LLGL2: variants seen among roughly 807,000 people sequenced by gnomAD.
LLGL2 encodes LLGL2, scribble cell polarity complex component.
LLGL2 carries 81 observed loss-of-function variants against 123.2 expected under a neutral mutation model. The observed-to-expected ratio is 0.66, with a 90% CI of 0.55 to 0.79. LLGL2 has a LOEUF of 0.79. LLGL2 is among the 30% of genes least tolerant of loss of function. LLGL2 has a pLI of 0.00. For missense variants in LLGL2, 1,273 were observed against 1,414.6 expected (o/e 0.90, Z 1.61); for synonymous variants, 577 against 594.1 (o/e 0.97, Z 0.42).
Position 75,575,120 on chromosome 17 carries a change from A to T in LLGL2, c.*242A>T. On this transcript the variant is annotated 3_prime_UTR_variant, in exon 26 of 26. Coordinates refer to ENST00000392550, the MANE Select transcript of LLGL2 (RefSeq NM_001031803.2). ...ATGTTGCACAGTTTTTATTGCTCCC[A>T]TCCCTTTTTGTAGTGGGCTGGGTTT... 1.7e-6 allele frequency: 1 copy of T among 597,084 alleles called. No individual in the cohort carries two copies. The highest frequency in any genetic ancestry group is 2.8e-5 in the East Asian group (1 of 36,070). The allele number at this position is 597,084 out of a possible 1,614,324, so 37.0% of individuals were successfully genotyped here.
Position 75,559,203 on chromosome 17 carries a change from C to A in LLGL2, c.372-49C>A. 1 of 1,523,902 alleles carries A rather than the reference C, an allele frequency of 6.6e-7. No homozygotes were observed. The highest frequency in any genetic ancestry group is 8.8e-7 in the Non-Finnish European group (1 of 1,137,244). 94.4% of individuals were successfully genotyped at this position (1,523,902 alleles called of 1,614,324 possible). A position where few individuals can be genotyped will look rare whatever the true frequency, so the allele number is the denominator to read the frequency against. On this transcript the variant is annotated intron_variant, in intron 5 of 25. Coordinates refer to ENST00000392550, the MANE Select transcript of LLGL2 (RefSeq NM_001031803.2). This position sits in a 1 kb window ranked among gnomAD's most constrained non-coding sequence, Gnocchi z 4.6. ...AGTCAGGGGACCCCGTCCATGGCATCTCCCCTGCTGGGCAGTGGTCGGCTC... is the reference window on the plus strand; with the variant it reads ...AGTCAGGGGACCCCGTCCATGGCATATCCCCTGCTGGGCAGTGGTCGGCTC...
chr17:75,554,915 G>T (rs1319010257), intron 2 of LLGL2, among the ~76,000 whole-genome samples: 5 of 148,618 alleles, frequency 3.4e-5, no homozygotes, highest in Non-Finnish European at 3.0e-5. Flanking sequence ...TTTTGGCTGG[G>T]TGCGGGTGGC....
chr17:75,547,314 A>C (rs2054474883), intron 2 of LLGL2, among the ~76,000 whole-genome samples: 1 of 152,248 alleles, frequency 6.6e-6, no homozygotes, highest in Non-Finnish European at 1.5e-5. Flanking sequence ...TGTGCCAGGC[A>C]TCAGAGGGGC....
At chr17:75,548,474 C>T (rs1299493764) in intron 2 of LLGL2, among the ~76,000 whole-genome samples, 1 of 152,016 alleles carries the variant, frequency 6.6e-6, no homozygotes, top group Non-Finnish European at 1.5e-5. Flanking sequence ...ACTCCCATGT[C>T]TGCACTTTCT....
At chr17:75,560,950 G>C (rs546067648) in intron 6 of LLGL2, among the ~76,000 whole-genome samples, 1 of 152,038 alleles carries the variant, frequency 6.6e-6, no homozygotes, top group South Asian at 2.1e-4. Flanking sequence ...TCCTGCCTCA[G>C]CCTTCCGAGT....
chr17:75,528,915 T>G (rs563907128), intron 1 of LLGL2, among the ~76,000 whole-genome samples: 11 of 152,094 alleles, frequency 7.2e-5, no homozygotes, highest in African/African-American at 2.4e-4. Flanking sequence ...TCCCAACACT[T>G]TGGGAGGCGG....
rs899272310 is a variant in LLGL2, at chr17:75,573,648, G to A, written c.2876+17G>A. ...CCGAGCCAGGTGAGTGAAAGGGCCA[G>A]AGGCCTCTCCCGCCCCTCCCGCCCC... On this transcript the variant is annotated intron_variant, in intron 21 of 25. Transcript: ENST00000392550. 8.2e-6 allele frequency: 13 copies of A among 1,586,130 alleles called. No individual in the cohort carries two copies. The highest frequency in any genetic ancestry group is 1.0e-5 in the Non-Finnish European group (12 of 1,163,504).
chr17:75,571,619 C>T (rs141595457), intron 17 of LLGL2, 48 bp from the exon 18 acceptor site: 2 of 1,439,084 alleles, frequency 1.4e-6, no homozygotes, highest in South Asian at 2.3e-5. Context: ...CCAGCTCCAC[C>T]CGACTCCCAC....
intron 21 of LLGL2, 92 bp from the exon 22 acceptor site, chr17:75,573,860 T>C: frequency 6.9e-7 from 1 of 1,446,842 alleles, no homozygotes. Flanking sequence ...CAGGACAGGC[T>C]GCGCCATTGA....
At chr17:75,532,922 TTTCGTGGGGTCAGTGA>T (rs1166588863) in intron 1 of LLGL2, among the ~76,000 whole-genome samples, 7 of 152,204 alleles carry the variant, frequency 4.6e-5, no homozygotes, top group African/African-American at 1.7e-4. Flanking sequence ...TACCTCAGTG[TTTCGTGGGGTCAGTGA>T]TTGGCAGATA....
chr17:75,536,598 A>C (rs1598516398), intron 1 of LLGL2, among the ~76,000 whole-genome samples: 1 of 151,346 alleles, frequency 6.6e-6, no homozygotes, highest in Non-Finnish European at 1.5e-5. Context: ...GGCTGGACCC[A>C]CCCTCCCGCC....
intron 10 of LLGL2, among the ~76,000 whole-genome samples, chr17:75,566,165 G>C (rs1415141299): frequency 6.6e-6 from 1 of 152,330 alleles, no homozygotes; most frequent in South Asian, 2.1e-4. Flanking sequence ...AGGTAGGGGC[G>C]AAGAGAGGGC....
chr17:75,556,251 G>C, intron 3 of LLGL2, 108 bp downstream of exon 3: 2 of 846,378 alleles, frequency 2.4e-6, no homozygotes, highest in South Asian at 3.2e-5. Context: ...ATAAAATGAG[G>C]GACTTTCCTG....
Position 75,570,966 on chromosome 17 carries a change from C to G in LLGL2, c.2042C>G (p.Ala681Gly). 2 of 1,610,720 alleles carry G rather than the reference C, an allele frequency of 1.2e-6. No individual in the cohort carries two copies. The highest frequency in any genetic ancestry group is 1.7e-6 in the Non-Finnish European group (2 of 1,178,658). The change falls in exon 17 of 26, where the codon GCC becomes GGC. Residue 681 changes from alanine (A) to glycine (G), a missense_variant. Ala to Gly is a moderately conservative substitution (Grantham distance 60). Transcript: ENST00000392550. ...CCCTTGCAGGCACAGGAGGGGAGTGCCAAGGCTGAGCGGCCAGGCCTCCAG... is the reference window on the plus strand; with the variant it reads ...CCCTTGCAGGCACAGGAGGGGAGTGGCAAGGCTGAGCGGCCAGGCCTCCAG... Reference protein sequence around the residue: ...GPPGEAQEGSAKAERPGLQNM... With the variant: ...GPPGEAQEGSGKAERPGLQNM...
chr17:75,526,545 G>A (rs953852417), intron 1 of LLGL2, among the ~76,000 whole-genome samples: 10 of 152,206 alleles, frequency 6.6e-5, no homozygotes. Flanking sequence ...GGCCTTGGCT[G>A]TGGGGAGAAC....
At chr17:75,566,947 CT>C (rs2055468788) in intron 10 of LLGL2, among the ~76,000 whole-genome samples, 1 of 152,134 alleles carries the variant, frequency 6.6e-6, no homozygotes, top group African/African-American at 2.4e-5. Context: ...TGTGTGAAGG[CT>C]GCTCAATGAT....
chr17:75,567,934 C>A (rs78892944), intron 10 of LLGL2: 2 of 485,792 alleles, frequency 4.1e-6, no homozygotes, highest in Admixed American at 6.2e-5. Flanking sequence ...GAGTGTGAAA[C>A]CCTGTCTCGA....
chr17:75,553,426 T>C (rs113694762), intron 2 of LLGL2, among the ~76,000 whole-genome samples: 3 of 152,352 alleles, frequency 2.0e-5, no homozygotes, highest in East Asian at 1.9e-4. Flanking sequence ...GTGAGAGCCA[T>C]TGGACTAGAC....
At chr17:75,556,212 T>A in intron 3 of LLGL2, 69 bp downstream of exon 3, 2 of 1,201,700 alleles carry the variant, frequency 1.7e-6, no homozygotes, top group Non-Finnish European at 1.2e-6. Flanking sequence ...GAGGGACATC[T>A]TTTCCTTCCT....
Sources: gnomAD v4.1 joint callset for allele counts (sites outside exome capture counted in the v4.1 genomes callset) on GRCh38, gnomAD v4.1.1 for gene constraint, Gnocchi (gnomAD v3.1) non-coding constraint, MANE v1.5 for transcripts, NCBI Gene and HGNC (gene_info 2026-07-23, HGNC 2026-07-21) for gene names.